Variants in GRHL1 observed in about 807,000 individuals in gnomAD.
The protein encoded by GRHL1 is grainyhead-like protein 1 homolog.
GRHL1 carries 38 observed loss-of-function variants against 75.7 expected under a neutral mutation model. The ratio of observed to expected loss-of-function variants is 0.50; its 90% CI spans 0.39 to 0.66. The LOEUF (loss-of-function observed/expected upper bound fraction) is 0.66. Among genes scored for constraint, GRHL1 ranks in the 30% least tolerant of loss-of-function variants. GRHL1 has a pLI of 0.00. For missense variants in GRHL1, 589 were observed against 767.5 expected (o/e 0.77, Z 2.75); for synonymous variants, 266 against 279.4 (o/e 0.95, Z 0.48).
intron 2 of GRHL1, among the ~76,000 whole-genome samples, chr2:9,957,819 C>G (rs910849671): frequency 6.6e-6 from 1 of 152,202 alleles, no homozygotes; most frequent in African/African-American, 2.4e-5. Context: ...GGGGTTAAAT[C>G]TCAGTTGAGT....
chr2:9,954,779 T>G, intron 1 of GRHL1, 136 bp from the exon 2 acceptor site: 2 of 771,282 alleles, frequency 2.6e-6, no homozygotes, highest in Non-Finnish European at 4.4e-6. Flanking sequence ...TGTCTTCTGG[T>G]CTTGTCTTAA....
At chr2:9,991,940 C>G in intron 10 of GRHL1, 67 bp from the exon 11 acceptor site, 2 of 1,286,956 alleles carry the variant, frequency 1.6e-6, no homozygotes, top group East Asian at 5.0e-5. Context: ...CACTCTGTGG[C>G]CTGCATCCAG....
intron 8 of GRHL1, among the ~76,000 whole-genome samples, chr2:9,973,666 C>G (rs563597409): frequency 6.6e-6 from 1 of 152,196 alleles, no homozygotes; most frequent in African/African-American, 2.4e-5. Flanking sequence ...TTTCTATGAA[C>G]TGTCTTAGAG....
Position 9,954,942 on chromosome 2 carries a change from T to G in GRHL1, c.48T>G (p.Asn16Lys). The change falls in exon 2 of 16, where the codon AAT becomes AAG. Residue 16 changes from asparagine (N) to lysine (K), a missense_variant. Physicochemically the swap from Asn to Lys is moderately conservative, Grantham distance 94. This residue lies in a region of GRHL1 where 362 missense variants were observed against 461.8 expected (regional missense o/e 0.78). Coordinates refer to ENST00000324907, the MANE Select transcript of GRHL1 (RefSeq NM_198182.3). ...DNKRPVLVLQ[N>K]EALYPQRRSY... ...AACGGCCAGTGTTGGTTCTTCAGAATGAAGCACTTTATCCACAGCGGCGGT... is the reference window on the plus strand; with the variant it reads ...AACGGCCAGTGTTGGTTCTTCAGAAGGAAGCACTTTATCCACAGCGGCGGT... 3 of 1,613,706 alleles carry G rather than the reference T, an allele frequency of 1.9e-6. No individual in the cohort carries two copies. The East Asian group carries it at 6.7e-5, about 36-fold the overall frequency.
At chr2:9,969,368 G>T (rs907376344) in intron 8 of GRHL1, among the ~76,000 whole-genome samples, 4 of 152,160 alleles carry the variant, frequency 2.6e-5, no homozygotes, top group Non-Finnish European at 4.4e-5. Context: ...ATGCTATTAC[G>T]TGCTTGGTGC....
rs1553307045 is a variant in GRHL1 at position 9,998,631 on chromosome 2, C to CATATACAT, written c.1678-329_1678-328insCATATATA. Among the ~76,000 whole-genome samples the CATATACAT allele has an allele frequency of 4.2e-3, 151 of 35,714 alleles. 23 individuals are homozygous for CATATACAT. The highest frequency in any genetic ancestry group is 0.01 in the African/African-American group (54 of 5,312). 23.4% of individuals were successfully genotyped at this position (35,714 alleles called of 152,430 possible). ...ATATACATATATATGTACACATATA[C>CATATACAT]ATATATATGTACACATATACATATA... On this transcript the variant is annotated intron_variant, in intron 14 of 15. Coordinates refer to ENST00000324907, the MANE Select transcript of GRHL1 (RefSeq NM_198182.3).
In GRHL1 at chr2:9,951,734, C is replaced by G; in HGVS notation, c.-100C>G. On this transcript the variant is annotated 5_prime_UTR_variant, in exon 1 of 16. Transcript: ENST00000324907. The surrounding 1 kb of genome is among the most constrained non-coding windows in gnomAD (Gnocchi z 4.2). ...ACCCAACCCGTCGGGGCCGCCGCTCCGGACCCGCAGCCGCCGCCGCCGCCT... is the reference window on the plus strand; with the variant it reads ...ACCCAACCCGTCGGGGCCGCCGCTCGGGACCCGCAGCCGCCGCCGCCGCCT... 5 of 1,169,908 alleles carry G rather than the reference C, an allele frequency of 4.3e-6. No homozygotes were observed. Among genetic ancestry groups the G allele is most frequent in the South Asian group, 1.4e-5 (1 of 72,380 alleles). The allele number at this position is 1,169,908 out of a possible 1,614,324, so 72.5% of individuals were successfully genotyped here. A position where few individuals can be genotyped will look rare whatever the true frequency, so the allele number is the denominator to read the frequency against.
At chr2:9,980,239 G>T (rs150680567) in intron 8 of GRHL1, among the ~76,000 whole-genome samples, 1 of 151,740 alleles carries the variant, frequency 6.6e-6, no homozygotes, top group East Asian at 1.9e-4. Flanking sequence ...TGTGAACAGC[G>T]CTTATGTGGC....
chr2:9,989,573 G>C (rs920231748), intron 9 of GRHL1, among the ~76,000 whole-genome samples: 1 of 151,968 alleles, frequency 6.6e-6, no homozygotes, highest in African/African-American at 2.4e-5. Flanking sequence ...TTCTTTGAGG[G>C]AGTCTCACTC....
chr2:9,990,932 GA>G lies in GRHL1; in HGVS notation c.1321+186del, dbSNP rs202186861. On this transcript the variant is annotated intron_variant, in intron 10 of 15. Coordinates refer to ENST00000324907, the MANE Select transcript of GRHL1 (RefSeq NM_198182.3). The surrounding 1 kb of genome is among the most constrained non-coding windows in gnomAD (Gnocchi z 4.2). ...TCAGCAGCAGATGCCAGCTCAGCGG[GA>G]GGGGTTTTCCTGGGGACTACAGGAT... Among the ~76,000 whole-genome samples, 3,999 of 141,788 alleles carry G rather than the reference GA, an allele frequency of 0.028. 174 individuals are homozygous for G. The highest frequency in any genetic ancestry group is 0.097 in the African/African-American group (3,760 of 38,828). The allele number at this position is 141,788 out of a possible 152,430, so 93.0% of individuals were successfully genotyped here.
intron 1 of GRHL1, 107 bp from the exon 2 acceptor site, chr2:9,954,808 T>C (rs1666940844): frequency 1.1e-6 from 1 of 945,550 alleles, no homozygotes; most frequent in East Asian, 2.6e-5. Context: ...CCTAGGGTCA[T>C]TGATGAAACA....
intron 2 of GRHL1, among the ~76,000 whole-genome samples, chr2:9,958,281 A>T (rs902438077): frequency 6.7e-6 from 1 of 149,886 alleles, no homozygotes; most frequent in African/African-American, 2.5e-5. Flanking sequence ...GGCTGAAGCG[A>T]TCTTCTCACC....
chr2:9,964,511 T>G, intron 7 of GRHL1, 165 bp downstream of exon 7: 1 of 573,270 alleles, frequency 1.7e-6, no homozygotes, highest in Non-Finnish European at 3.1e-6. Flanking sequence ...GAACCAGTGC[T>G]CTCACCATTG....
Position 9,951,718 on chromosome 2 carries a change from G to C in GRHL1, c.-116G>C. The C allele has an allele frequency of 1.0e-6, 1 of 985,894 alleles. No homozygotes were observed. The highest frequency in any genetic ancestry group is 1.5e-6 in the Non-Finnish European group (1 of 682,562). The allele number at this position is 985,894 out of a possible 1,614,324, so 61.1% of individuals were successfully genotyped here. A position where few individuals can be genotyped will look rare whatever the true frequency, so the allele number is the denominator to read the frequency against. ...AGAGCGAGAAAAGCAAACCCAACCC[G>C]TCGGGGCCGCCGCTCCGGACCCGCA... On this transcript the variant is annotated 5_prime_UTR_variant, in exon 1 of 16. Transcript: ENST00000324907. The surrounding 1 kb of genome is among the most constrained non-coding windows in gnomAD (Gnocchi z 4.2).
chr2:9,974,746 T>C (rs963741113), intron 8 of GRHL1, among the ~76,000 whole-genome samples: 5 of 152,276 alleles, frequency 3.3e-5, no homozygotes, highest in Admixed American at 2.0e-4. Flanking sequence ...TAGGAAGTCA[T>C]GTTGCAGGGA....
At chr2:9,975,374 G>A (rs1200356639) in intron 8 of GRHL1, among the ~76,000 whole-genome samples, 1 of 152,110 alleles carries the variant, frequency 6.6e-6, no homozygotes, top group African/African-American at 2.4e-5. Flanking sequence ...CTGTGAGGTG[G>A]GTTTATCTCT....
intron 8 of GRHL1, among the ~76,000 whole-genome samples, chr2:9,978,154 A>G (rs538611670): frequency 6.6e-6 from 1 of 152,342 alleles, no homozygotes; most frequent in Non-Finnish European, 1.5e-5. Flanking sequence ...GCTACAATTC[A>G]AGATGAGATT....
rs1014421074 is a variant in GRHL1 at position 9,954,762 on chromosome 2, C to T, written c.21-153C>T. The stretch of plus-strand genomic sequence containing the variant: ...TGTGGGACCCATTGGTCTGCACTTA[C>T]GTGGTTTGTCTTCTGGTCTTGTCTT... On this transcript the variant is annotated intron_variant, in intron 1 of 15. Transcript: ENST00000324907. The T allele has an allele frequency of 1.5e-5, 11 of 709,810 alleles. No individual in the cohort carries two copies. In the East Asian group the frequency reaches 1.6e-4, roughly 10 times the overall value. 44.0% of individuals were successfully genotyped at this position (709,810 alleles called of 1,614,324 possible). A position where few individuals can be genotyped will look rare whatever the true frequency, so the allele number is the denominator to read the frequency against.
At chr2:9,978,669 T>C (rs1668054356) in intron 8 of GRHL1, among the ~76,000 whole-genome samples, 1 of 152,186 alleles carries the variant, frequency 6.6e-6, no homozygotes, top group Non-Finnish European at 1.5e-5. Flanking sequence ...ATGAACTTAC[T>C]CTATTTTAGT....
Sources: allele counts gnomAD v4.1 joint callset (sites outside exome capture counted in the v4.1 genomes callset), GRCh38; gene constraint gnomAD v4.1.1; regional missense constraint gnomAD v4.1.1; non-coding constraint Gnocchi (gnomAD v3.1); transcripts MANE v1.5; gene names NCBI Gene and HGNC (gene_info 2026-07-23, HGNC 2026-07-21).